The following STX8 variants were observed in gnomAD, a reference collection of about 807,000 sequenced individuals.
STX8 encodes syntaxin-8.
A neutral mutation model predicts 37.5 loss-of-function variants in STX8; 23 were observed. The observed-to-expected ratio is 0.61, with a 90% CI of 0.44 to 0.87. The LOEUF (loss-of-function observed/expected upper bound fraction) is 0.87, where lower values mean the gene tolerates loss of function less well. STX8 is among the 40% of genes least tolerant of loss of function. STX8 has a pLI of 0.00. For missense variants in STX8, 313 were observed against 284.7 expected (o/e 1.10, Z -0.71); for synonymous variants, 115 against 99.1 (o/e 1.16, Z -0.95).
intron 7 of STX8, among the ~76,000 whole-genome samples, chr17:9,258,877 T>C (rs1358243794): frequency 2.0e-5 from 3 of 152,228 alleles, no homozygotes; most frequent in Admixed American, 2.0e-4. Context: ...GGCCGAAGCC[T>C]TGAAGGCTCA....
intron 7 of STX8, among the ~76,000 whole-genome samples, chr17:9,304,006 CAAAT>C (rs1233658351): frequency 2.9e-5 from 4 of 137,504 alleles, no homozygotes; most frequent in Admixed American, 2.1e-4. Flanking sequence ...TGTCAAAGGC[CAAAT>C]AATTAGGAAA....
chr17:9,372,381 G>A (rs1911435467), intron 7 of STX8, among the ~76,000 whole-genome samples: 2 of 151,922 alleles, frequency 1.3e-5, no homozygotes, highest in South Asian at 4.2e-4. Flanking sequence ...AATTAGAGTG[G>A]GTGCCCAGGG....
intron 6 of STX8, among the ~76,000 whole-genome samples, chr17:9,390,836 CAA>C (rs34205577): frequency 7.1e-4 from 66 of 93,462 alleles, no homozygotes; most frequent in Admixed American, 1.1e-3. Context: ...GACTCCGTCT[CAA>C]AAAAAAAAAA....
intron 4 of STX8, among the ~76,000 whole-genome samples, chr17:9,512,357 A>G (rs1905042042): frequency 6.6e-6 from 1 of 152,248 alleles, no homozygotes; most frequent in African/African-American, 2.4e-5. Context: ...AAGCTGTAGT[A>G]ATGTACTACA....
intron 4 of STX8, among the ~76,000 whole-genome samples, chr17:9,540,358 T>C (rs1189933239): frequency 6.6e-6 from 1 of 152,222 alleles, no homozygotes; most frequent in African/African-American, 2.4e-5. Flanking sequence ...AGAGTGCTTT[T>C]GTCTAGTATG....
chr17:9,490,783 T>A (rs1291179961), intron 6 of STX8, among the ~76,000 whole-genome samples: 1 of 152,190 alleles, frequency 6.6e-6, no homozygotes, highest in Non-Finnish European at 1.5e-5. Flanking sequence ...GGAAGCCAGT[T>A]TAGCAGCAAA....
intron 7 of STX8, among the ~76,000 whole-genome samples, chr17:9,272,091 C>T (rs1318344515): frequency 6.6e-6 from 1 of 152,160 alleles, no homozygotes; most frequent in Non-Finnish European, 1.5e-5. Context: ...CACACCCACG[C>T]CAATATCCCT....
At chr17:9,530,184 G>A (rs1003593324) in intron 4 of STX8, among the ~76,000 whole-genome samples, 7 of 151,918 alleles carry the variant, frequency 4.6e-5, no homozygotes, top group African/African-American at 9.7e-5. Flanking sequence ...AGTGACGGGC[G>A]CCTGTAGTCC....
At chr17:9,428,687 A>C (rs1239514774) in intron 6 of STX8, among the ~76,000 whole-genome samples, 1 of 152,224 alleles carries the variant, frequency 6.6e-6, no homozygotes, top group Non-Finnish European at 1.5e-5. Context: ...ATTTTATTTA[A>C]CCCAATATAG....
chr17:9,318,825 T>C (rs1453934277), intron 7 of STX8, among the ~76,000 whole-genome samples: 1 of 152,046 alleles, frequency 6.6e-6, no homozygotes, highest in African/African-American at 2.4e-5. Context: ...CAACAAAATG[T>C]GAAAACTGTG....
rs118014912 is a variant in STX8 at position 9,507,603 on chromosome 17, G to T, written c.324-2441C>A. ...CTCTGGCAGGCATACTCCCAGACTG[G>T]CCAAGCAACCAAGCAACTGTGCCCT... On this transcript the variant is annotated intron_variant, in intron 4 of 7. Coordinates refer to ENST00000306357, the MANE Select transcript of STX8 (RefSeq NM_004853.3). The surrounding 1 kb of genome is among the most constrained non-coding windows in gnomAD (Gnocchi z 4.0). Among the ~76,000 whole-genome samples, 1 of 152,152 alleles carries T rather than the reference G, an allele frequency of 6.6e-6. No individual in the cohort carries two copies. The highest frequency in any genetic ancestry group is 2.4e-5 in the African/African-American group (1 of 41,434).
chr17:9,340,385 C>T (rs779326280), intron 7 of STX8, among the ~76,000 whole-genome samples: 13 of 152,174 alleles, frequency 8.5e-5, no homozygotes, highest in Non-Finnish European at 1.6e-4. Flanking sequence ...TGAACATTTT[C>T]ACAAAATGAA....
intron 7 of STX8, among the ~76,000 whole-genome samples, chr17:9,308,847 G>A (rs541151021): frequency 6.6e-6 from 1 of 151,458 alleles, no homozygotes; most frequent in Non-Finnish European, 1.5e-5. Context: ...TCAGTTCAAA[G>A]TACACAGAAT....
At chr17:9,441,502 A>T (rs1336782234) in intron 6 of STX8, among the ~76,000 whole-genome samples, 1 of 148,660 alleles carries the variant, frequency 6.7e-6, no homozygotes, top group Non-Finnish European at 1.5e-5. Context: ...AAAAAAAAAA[A>T]GAAACTGAGT....
At chr17:9,466,929 C>G (rs1370707990) in intron 6 of STX8, 3 of 152,238 alleles carry the variant, frequency 2.0e-5, no homozygotes, top group African/African-American at 2.4e-5. Context: ...TGGCTCTTGT[C>G]CCCCAGGCTG....
At position 9,421,022 on chromosome 17, in the gene STX8, T is replaced by A. The variant is rs191367865; in HGVS notation, c.542-42369A>T. Among the ~76,000 whole-genome samples, 4 of 152,218 alleles carry A rather than the reference T, an allele frequency of 2.6e-5. No individual in the cohort carries two copies. The East Asian group carries it at 5.8e-4, about 22-fold the overall frequency. On this transcript the variant is annotated intron_variant, in intron 6 of 7. Coordinates refer to ENST00000306357, the MANE Select transcript of STX8 (RefSeq NM_004853.3). Reference sequence around the variant, plus strand: ...ACGCAACTGGACTATTGCAATAACCTCCAAATTCGTTTCCCCAACTTGAGT... The same window carrying A: ...ACGCAACTGGACTATTGCAATAACCACCAAATTCGTTTCCCCAACTTGAGT...
chr17:9,541,062 C>G (rs1308669992), intron 4 of STX8, among the ~76,000 whole-genome samples: 1 of 152,186 alleles, frequency 6.6e-6, no homozygotes, highest in East Asian at 1.9e-4. Context: ...AGAAGGCCTC[C>G]ATCCAAAAAA....
intron 2 of STX8, among the ~76,000 whole-genome samples, chr17:9,566,428 A>G (rs186289554): frequency 7.2e-5 from 11 of 152,344 alleles, no homozygotes; most frequent in Admixed American, 2.0e-4. Context: ...CAGAAATACT[A>G]TTTGATTCAG....
chr17:9,254,481 C>T (rs758816269), intron 7 of STX8, among the ~76,000 whole-genome samples: 9 of 151,972 alleles, frequency 5.9e-5, no homozygotes, highest in South Asian at 2.1e-4. Flanking sequence ...CTGCAGCCTC[C>T]GCCTCCTGGG....
Sources: allele counts gnomAD v4.1 joint callset (sites outside exome capture counted in the v4.1 genomes callset), GRCh38; gene constraint gnomAD v4.1.1; non-coding constraint Gnocchi (gnomAD v3.1); transcripts MANE v1.5; gene names NCBI Gene and HGNC (gene_info 2026-07-23, HGNC 2026-07-21).